TRPM3: variants seen among roughly 807,000 people sequenced by gnomAD.
TRPM3 encodes the protein transient receptor potential cation channel subfamily M member 3.
In TRPM3, 77 loss-of-function variants were observed where a neutral mutation model predicts 181.2. The observed-to-expected ratio is 0.42, with a 90% CI of 0.35 to 0.51. The LOEUF (loss-of-function observed/expected upper bound fraction) is 0.51. Ranked by LOEUF, TRPM3 falls within the 20% of genes least tolerant of loss-of-function variation. TRPM3 has a pLI of 0.01. For synonymous variants in TRPM3, 745 were observed against 796.4 expected (o/e 0.94, Z 1.09); for missense variants, 1,759 against 2,196.7 (o/e 0.80, Z 3.98).
chr9:71,104,795 G>A (rs927000253), intron 1 of TRPM3, among the ~76,000 whole-genome samples: 1 of 152,080 alleles, frequency 6.6e-6, no homozygotes, highest in Non-Finnish European at 1.5e-5. Flanking sequence ...ATGAGAAAAA[G>A]CTATACAGAA....
At chr9:71,331,706 G>A (rs2090134265) in intron 1 of TRPM3, among the ~76,000 whole-genome samples, 1 of 132,382 alleles carries the variant, frequency 7.6e-6, no homozygotes, top group African/African-American at 2.9e-5. Flanking sequence ...GAAAAAGGAG[G>A]AGAAAAAGGA....
chr9:70,667,642 C>T (rs1015827034), intron 9 of TRPM3, among the ~76,000 whole-genome samples: 1 of 152,156 alleles, frequency 6.6e-6, no homozygotes, highest in African/African-American at 2.4e-5. Context: ...TTAAAAAATA[C>T]AATAAATCTT....
At chr9:71,252,557 G>T (rs923487568) in intron 1 of TRPM3, among the ~76,000 whole-genome samples, 1 of 152,184 alleles carries the variant, frequency 6.6e-6, no homozygotes, top group Non-Finnish European at 1.5e-5. Context: ...TTTATTAGGA[G>T]TAGGTTTCAG....
At chr9:70,679,674 C>T (rs2064941364) in intron 9 of TRPM3, among the ~76,000 whole-genome samples, 2 of 152,226 alleles carry the variant, frequency 1.3e-5, no homozygotes, top group South Asian at 2.1e-4. Context: ...CCCCAATTTC[C>T]TTATTTATAA....
rs755547187 is a variant in TRPM3, at chr9:70,625,468, G to T, written c.1668+14C>A. ...AACATATGAATGTATTATTATGCTG[G>T]TTAATTAATTCACCTTAAAATAGAT... On this transcript the variant is annotated intron_variant, in intron 13 of 25. Transcript: ENST00000677713. The surrounding 1 kb of genome is among the most constrained non-coding windows in gnomAD (Gnocchi z 4.8). The T allele has an allele frequency of 6.2e-7, 1 of 1,608,364 alleles. No individual in the cohort carries two copies. Among genetic ancestry groups the T allele is most frequent in the Non-Finnish European group, 8.5e-7 (1 of 1,177,770 alleles).
chr9:71,375,222 C>G (rs2092635631), intron 1 of TRPM3, among the ~76,000 whole-genome samples: 1 of 152,164 alleles, frequency 6.6e-6, no homozygotes, highest in Non-Finnish European at 1.5e-5. Flanking sequence ...GACCACATAT[C>G]TACAACCAGC....
chr9:70,970,971 G>A (rs1181597742), intron 1 of TRPM3, among the ~76,000 whole-genome samples: 1 of 152,036 alleles, frequency 6.6e-6, no homozygotes, highest in Non-Finnish European at 1.5e-5. Context: ...TGCCTAACTC[G>A]TCTGGCAACC....
chr9:70,855,434 T>G (rs1390517907), intron 3 of TRPM3, among the ~76,000 whole-genome samples: 1 of 152,222 alleles, frequency 6.6e-6, no homozygotes, highest in African/African-American at 2.4e-5. Context: ...GCCCAGCTGT[T>G]TCAATGAAAA....
chr9:71,082,335 A>G lies in TRPM3; in HGVS notation c.177+38843T>C, dbSNP rs376569081. 2.0e-5 allele frequency among the ~76,000 whole-genome samples: 3 copies of G among 152,286 alleles called. No individual in the cohort carries two copies. In the South Asian group the frequency reaches 6.2e-4, roughly 32 times the overall value. ...AAATAAAAGTTAGGAAACACTTCTCATGATGCCAATTTTCCTCACACTCAT... is the reference window on the plus strand; with the variant it reads ...AAATAAAAGTTAGGAAACACTTCTCGTGATGCCAATTTTCCTCACACTCAT... On this transcript the variant is annotated intron_variant, in intron 1 of 25. Transcript: ENST00000677713.
intron 9 of TRPM3, among the ~76,000 whole-genome samples, chr9:70,673,006 G>T (rs2063279302): frequency 6.6e-6 from 1 of 152,160 alleles, no homozygotes; most frequent in African/African-American, 2.4e-5. Context: ...AGGGAATCTT[G>T]TATCTTCCAA....
At chr9:71,119,244 G>C (rs937311329) in intron 1 of TRPM3, among the ~76,000 whole-genome samples, 1 of 152,054 alleles carries the variant, frequency 6.6e-6, no homozygotes, top group Admixed American at 6.6e-5. Context: ...CTCCAGTAAG[G>C]TTCCATCCTG....
At chr9:70,793,856 T>A (rs2086291882) in intron 6 of TRPM3, among the ~76,000 whole-genome samples, 1 of 152,162 alleles carries the variant, frequency 6.6e-6, no homozygotes, top group Non-Finnish European at 1.5e-5. Flanking sequence ...TTACATGAAA[T>A]ATTCAACACT....
At chr9:71,443,286 G>A (rs530132461) in intron 1 of TRPM3, among the ~76,000 whole-genome samples, 7 of 151,792 alleles carry the variant, frequency 4.6e-5, no homozygotes, top group South Asian at 2.1e-4. Flanking sequence ...TGTAAACCAT[G>A]AAGCCTTAAA....
At chr9:71,386,414 A>C (rs1588779935) in intron 1 of TRPM3, among the ~76,000 whole-genome samples, 2 of 151,450 alleles carry the variant, frequency 1.3e-5, no homozygotes, top group South Asian at 4.2e-4. Flanking sequence ...GCACTACTGC[A>C]CTCCAGCCTG....
At chr9:70,905,397 G>A (rs2096449209) in intron 1 of TRPM3, among the ~76,000 whole-genome samples, 1 of 152,230 alleles carries the variant, frequency 6.6e-6, no homozygotes, top group South Asian at 2.1e-4. Context: ...TTTGTTTAGA[G>A]ATCAGCAGCA....
intron 9 of TRPM3, among the ~76,000 whole-genome samples, chr9:70,663,030 A>G (rs2061343415): frequency 6.6e-6 from 1 of 152,208 alleles, no homozygotes; most frequent in South Asian, 2.1e-4. Flanking sequence ...AAAATGCAGT[A>G]TATACACACC....
chr9:71,421,008 A>AAAAGAGAGAAG (rs2093761496), intron 1 of TRPM3, among the ~76,000 whole-genome samples: 1 of 147,472 alleles, frequency 6.8e-6, no homozygotes, highest in African/African-American at 2.6e-5. Context: ...AAAGAGAGAA[A>AAAAGAGAGAAG]AAGAGAGAAA....
At chr9:70,687,876 C>T (rs989323849) in intron 8 of TRPM3, among the ~76,000 whole-genome samples, 2 of 152,214 alleles carry the variant, frequency 1.3e-5, no homozygotes, top group Non-Finnish European at 2.9e-5. Context: ...CGTTTAGGTG[C>T]TGGGAATGGA....
intron 22 of TRPM3, among the ~76,000 whole-genome samples, chr9:70,560,954 G>A (rs952363941): frequency 6.6e-6 from 1 of 152,114 alleles, no homozygotes; most frequent in Non-Finnish European, 1.5e-5. Context: ...ACACCATCTT[G>A]TCCCTAAAAA....
Sources: gnomAD v4.1 joint callset for allele counts (sites outside exome capture counted in the v4.1 genomes callset) on GRCh38, gnomAD v4.1.1 for gene constraint, Gnocchi (gnomAD v3.1) non-coding constraint, MANE v1.5 for transcripts, NCBI Gene and HGNC (gene_info 2026-07-23, HGNC 2026-07-21) for gene names.